The following ETFA variants were observed in gnomAD, a reference collection of about 807,000 sequenced individuals.
ETFA encodes the protein electron transfer flavoprotein subunit alpha, also known as electron transfer flavoprotein subunit alpha, mitochondrial.
ETFA carries 22 observed loss-of-function variants against 46.2 expected under a neutral mutation model. That is an observed-to-expected ratio of 0.48 (90% CI 0.34 to 0.68). The LOEUF (loss-of-function observed/expected upper bound fraction) is 0.68, where lower values mean the gene tolerates loss of function less well. Among genes scored for constraint, ETFA ranks in the 30% least tolerant of loss-of-function variants. The probability of loss-of-function intolerance (pLI) is 0.01; values close to 1 mark genes in which losing one functional copy is unlikely to be tolerated. For synonymous variants in ETFA, 131 were observed against 139.9 expected (o/e 0.94, Z 0.45); for missense variants, 345 against 401.1 (o/e 0.86, Z 1.19).
chr15:76,261,166 C>A (rs2141495110), intron 9 of ETFA: 1 of 1,532,888 alleles, frequency 6.5e-7, no homozygotes, highest in Non-Finnish European at 9.0e-7. Flanking sequence ...AGCAGGTCCC[C>A]CGATCTTCGT....
intron 8 of ETFA, among the ~76,000 whole-genome samples, chr15:76,280,684 T>A (rs2039639257): frequency 6.6e-6 from 1 of 152,218 alleles, no homozygotes; most frequent in African/African-American, 2.4e-5. Flanking sequence ...CAATGTCCTA[T>A]AAGGCCCTAT....
At chr15:76,297,306 C>T (rs913465966) in intron 1 of ETFA, among the ~76,000 whole-genome samples, 1 of 151,624 alleles carries the variant, frequency 6.6e-6, no homozygotes, top group Non-Finnish European at 1.5e-5. Context: ...TTATATGGTA[C>T]CCTTTCTTTT....
chr15:76,260,342 C>T (rs1002476985), intron 9 of ETFA: 32 of 1,376,178 alleles, frequency 2.3e-5, no homozygotes, highest in African/African-American at 4.3e-5. Context: ...ACGTCTCTTT[C>T]GGTCTCTTTT....
intron 9 of ETFA, among the ~76,000 whole-genome samples, chr15:76,270,154 A>C (rs1170693711): frequency 6.6e-6 from 1 of 152,210 alleles, no homozygotes; most frequent in African/African-American, 2.4e-5. Flanking sequence ...CACCTTGGGA[A>C]AAAGCTACCC....
intron 1 of ETFA, among the ~76,000 whole-genome samples, chr15:76,306,752 C>T (rs557566304): frequency 6.6e-6 from 1 of 152,104 alleles, no homozygotes; most frequent in Middle Eastern, 3.4e-3. Flanking sequence ...TAAAATATAG[C>T]AGCTTTTAAT....
chr15:76,304,396 G>A (rs755827370), intron 1 of ETFA, among the ~76,000 whole-genome samples: 4 of 152,038 alleles, frequency 2.6e-5, no homozygotes, highest in East Asian at 3.9e-4. Context: ...CAGGACACAC[G>A]GTTTACTCAT....
At chr15:76,297,860 T>G (rs1464786208) in intron 1 of ETFA, among the ~76,000 whole-genome samples, 2 of 152,186 alleles carry the variant, frequency 1.3e-5, no homozygotes, top group Non-Finnish European at 2.9e-5. Flanking sequence ...AATTCAATGT[T>G]TTACATTCCA....
chr15:76,276,664 C>T (rs905844160), intron 8 of ETFA, among the ~76,000 whole-genome samples: 1 of 151,764 alleles, frequency 6.6e-6, no homozygotes, highest in African/African-American at 2.4e-5. Context: ...TTTTTCTCTT[C>T]GCTTTTCAGT....
chr15:76,260,776 C>T (rs2039402517), intron 9 of ETFA: 1 of 1,604,204 alleles, frequency 6.2e-7, no homozygotes, highest in African/African-American at 1.3e-5. Context: ...GGCACCCAGT[C>T]AGCATAAGGA....
At chr15:76,266,803 C>T (rs2039474412) in intron 9 of ETFA, among the ~76,000 whole-genome samples, 1 of 151,892 alleles carries the variant, frequency 6.6e-6, no homozygotes. Context: ...ACTCAGGAGG[C>T]TGAGGCAACA....
intron 9 of ETFA, chr15:76,261,048 A>T (rs78805302): frequency 0.21 from 334,808 of 1,571,098 alleles, 102 homozygotes; most frequent in Non-Finnish European, 0.24. Context: ...TGCTTGAAGG[A>T]GAACAGTGGC....
intron 1 of ETFA, among the ~76,000 whole-genome samples, chr15:76,310,375 A>AAG (rs2039984548): frequency 1.7e-5 from 1 of 58,538 alleles, no homozygotes; most frequent in Non-Finnish European, 3.3e-5. Context: ...CCCAGAAAAA[A>AAG]AAAAAAAAAA....
At chr15:76,309,429 C>A (rs2039968351) in intron 1 of ETFA, among the ~76,000 whole-genome samples, 1 of 152,050 alleles carries the variant, frequency 6.6e-6, no homozygotes, top group Non-Finnish European at 1.5e-5. Flanking sequence ...CCAGCCTGGG[C>A]GACAGAGCGA....
rs1483486469 is a variant in ETFA, at chr15:76,274,438, C to G, written c.790G>C (p.Gly264Arg). 2 of 1,612,066 alleles carry G rather than the reference C, an allele frequency of 1.2e-6. No homozygotes were observed. Among genetic ancestry groups the G allele is most frequent in the Non-Finnish European group, 1.7e-6 (2 of 1,178,890 alleles). Residue 264 changes from glycine to arginine, a missense_variant, in exon 9 of 12, where the codon GGA becomes CGA. Coordinates refer to ENST00000557943, the MANE Select transcript of ETFA (RefSeq NM_000126.4). The stretch of plus-strand genomic sequence containing the variant: ...GGTGCTACTATTTTTCCCGTCTGTC[C>G]AACTTGCATGTCATTGGGAACAAAG... ...AGFVPNDMQVGQTGKIVAPEL... is the reference protein window; with the variant it reads ...AGFVPNDMQVRQTGKIVAPEL...
intron 9 of ETFA, among the ~76,000 whole-genome samples, chr15:76,241,801 CAA>C (rs1165964434): frequency 9.5e-4 from 29 of 30,568 alleles, no homozygotes; most frequent in Middle Eastern, 0.1. Flanking sequence ...GACTCCATCT[CAA>C]AAAAAAAAAA....
intron 11 of ETFA, among the ~76,000 whole-genome samples, chr15:76,223,888 G>A (rs1245704551): frequency 1.3e-5 from 2 of 152,218 alleles, no homozygotes; most frequent in Non-Finnish European, 2.9e-5. Context: ...TCCACTGGAA[G>A]AACACTGAAA....
intron 1 of ETFA, among the ~76,000 whole-genome samples, chr15:76,304,417 C>CACA (rs1491329688): frequency 4.6e-5 from 7 of 152,144 alleles, no homozygotes; most frequent in African/African-American, 1.7e-4. Flanking sequence ...AATAAATCTG[C>CACA]ACAGATACCC....
At chr15:76,223,378 C>T (rs1043449026) in intron 11 of ETFA, among the ~76,000 whole-genome samples, 5 of 151,650 alleles carry the variant, frequency 3.3e-5, no homozygotes, top group African/African-American at 1.2e-4. Flanking sequence ...TCACCATGCT[C>T]GGCTAATGTG....
intron 9 of ETFA, among the ~76,000 whole-genome samples, chr15:76,234,579 G>C (rs2039103835): frequency 2.0e-5 from 3 of 152,070 alleles, no homozygotes; most frequent in Admixed American, 2.0e-4. Context: ...GGGACGGTGG[G>C]GATTAAAGGA....
Sources: allele counts gnomAD v4.1 joint callset (sites outside exome capture counted in the v4.1 genomes callset), GRCh38; gene constraint gnomAD v4.1.1; transcripts MANE v1.5; gene names NCBI Gene and HGNC (gene_info 2026-07-23, HGNC 2026-07-21).